The following SLC22A15 variants were observed in gnomAD, a reference collection of about 807,000 sequenced individuals.
SLC22A15 encodes solute carrier family 22 member 15.
A neutral mutation model predicts 62.7 loss-of-function variants in SLC22A15; 45 were observed. That is an observed-to-expected ratio of 0.72 (90% CI 0.56 to 0.92). The LOEUF is 0.92. SLC22A15 is among the 40% of genes least tolerant of loss of function. SLC22A15 has a pLI of 0.00. For missense variants in SLC22A15, 622 were observed against 665.6 expected (o/e 0.93, Z 0.72); for synonymous variants, 264 against 267.0 (o/e 0.99, Z 0.11).
chr1:116,042,314 A>G (rs1657810030), intron 8 of SLC22A15, among the ~76,000 whole-genome samples: 3 of 151,904 alleles, frequency 2.0e-5, no homozygotes, highest in Admixed American at 1.3e-4. Context: ...GAGAGGCCAA[A>G]AGAAAGAAAA....
intron 8 of SLC22A15, among the ~76,000 whole-genome samples, chr1:116,043,582 A>T (rs994056332): frequency 1.3e-5 from 2 of 152,172 alleles, no homozygotes; most frequent in Admixed American, 1.3e-4. Flanking sequence ...AACAAATTTT[A>T]AAAAAGAAGA....
intron 2 of SLC22A15, among the ~76,000 whole-genome samples, chr1:116,003,813 TAAG>T (rs1305222929): frequency 6.6e-6 from 1 of 152,208 alleles, no homozygotes; most frequent in African/African-American, 2.4e-5. Flanking sequence ...TTGTGGTTCT[TAAG>T]AAGGTCCTTT....
chr1:116,012,493 C>T (rs1656320729), intron 2 of SLC22A15, among the ~76,000 whole-genome samples: 1 of 152,034 alleles, frequency 6.6e-6, no homozygotes, highest in Admixed American at 6.5e-5. Flanking sequence ...CAGCACAGGG[C>T]TATTCGGTGG....
rs755348742 is a variant in SLC22A15, at chr1:116,063,003, T to A, written c.1292+121T>A. The A allele has an allele frequency of 2.6e-4, 341 of 1,304,898 alleles. 3 individuals are homozygous for A. In the Middle Eastern group the frequency reaches 5.0e-3, roughly 19 times the overall value. The allele number at this position is 1,304,898 out of a possible 1,614,324, so 80.8% of individuals were successfully genotyped here. A position where few individuals can be genotyped will look rare whatever the true frequency, so the allele number is the denominator to read the frequency against. On this transcript the variant is annotated intron_variant, in intron 9 of 11. Coordinates refer to ENST00000369503, the MANE Select transcript of SLC22A15 (RefSeq NM_018420.3). ...GGAGTTAGTTTGGGGCAGCAGTAATTCAGCAAGCAGTTTAGGGTGAGAGCT... is the reference window on the plus strand; with the variant it reads ...GGAGTTAGTTTGGGGCAGCAGTAATACAGCAAGCAGTTTAGGGTGAGAGCT...
intron 2 of SLC22A15, among the ~76,000 whole-genome samples, chr1:116,006,125 A>G (rs1261794485): frequency 6.6e-6 from 1 of 152,180 alleles, no homozygotes; most frequent in East Asian, 1.9e-4. Flanking sequence ...ATCCCACTGT[A>G]TGTATCCTAA....
chr1:116,054,332 A>T (rs551286191), intron 8 of SLC22A15, among the ~76,000 whole-genome samples: 69 of 151,992 alleles, frequency 4.5e-4, no homozygotes, highest in African/African-American at 1.5e-3. Flanking sequence ...TGGTAAAGGG[A>T]TCAATTCAAC....
chr1:115,996,638 A>G (rs1655440340), intron 2 of SLC22A15, among the ~76,000 whole-genome samples: 1 of 148,344 alleles, frequency 6.7e-6, no homozygotes, highest in Non-Finnish European at 1.5e-5. Context: ...TTCTGTTTCT[A>G]CATGTTTATT....
intron 5 of SLC22A15, among the ~76,000 whole-genome samples, chr1:116,027,511 C>T (rs1350430013): frequency 6.6e-6 from 1 of 152,168 alleles, no homozygotes; most frequent in Non-Finnish European, 1.5e-5. Context: ...GGCCTCATAG[C>T]AGTGGCAGGA....
At chr1:116,018,954 T>G (rs1480759464) in intron 2 of SLC22A15, among the ~76,000 whole-genome samples, 1 of 152,238 alleles carries the variant, frequency 6.6e-6, no homozygotes, top group African/African-American at 2.4e-5. Flanking sequence ...GCATACAACA[T>G]TTTGTTTATT....
chr1:115,994,360 A>C (rs183564216), intron 2 of SLC22A15, among the ~76,000 whole-genome samples: 4 of 152,328 alleles, frequency 2.6e-5, no homozygotes, highest in African/African-American at 9.6e-5. Flanking sequence ...TAAAAAATGG[A>C]GACCCCTTGA....
intron 1 of SLC22A15, among the ~76,000 whole-genome samples, chr1:115,980,221 C>T (rs1654546215): frequency 6.6e-6 from 1 of 152,046 alleles, no homozygotes; most frequent in Non-Finnish European, 1.5e-5. Flanking sequence ...TATTAGCAAA[C>T]ATTAAACAAT....
intron 7 of SLC22A15, 51 bp downstream of exon 7, chr1:116,035,378 C>T (rs1025184325): frequency 1.3e-6 from 2 of 1,498,152 alleles, no homozygotes; most frequent in East Asian, 4.7e-5. Flanking sequence ...TGCACACATA[C>T]ACATATGCCC....
At position 116,068,577 on chromosome 1, in the gene SLC22A15, T is replaced by A. The variant is rs1370321224; in HGVS notation, c.*1469T>A. On this transcript the variant is annotated 3_prime_UTR_variant, in exon 12 of 12. Coordinates refer to ENST00000369503, the MANE Select transcript of SLC22A15 (RefSeq NM_018420.3). ...CCTTGATTATTAGTTGGGCTCTTCA[T>A]AAACAGAGGCCATCTCTACTACTGT... 6.6e-6 allele frequency: 1 copy of A among 152,212 alleles called. No homozygotes were observed. Among genetic ancestry groups the A allele is most frequent in the African/African-American group, 2.4e-5 (1 of 41,466 alleles). 9.4% of individuals were successfully genotyped at this position (152,212 alleles called of 1,614,324 possible).
chr1:116,004,051 A>G (rs561095299), intron 2 of SLC22A15, among the ~76,000 whole-genome samples: 2 of 152,274 alleles, frequency 1.3e-5, no homozygotes, highest in Non-Finnish European at 2.9e-5. Context: ...ATTTATCATG[A>G]CTGCTTCCTT....
chr1:116,023,089 G>T (rs1044587156), intron 4 of SLC22A15, among the ~76,000 whole-genome samples: 1 of 152,152 alleles, frequency 6.6e-6, no homozygotes, highest in African/African-American at 2.4e-5. Flanking sequence ...TAGGGGATTT[G>T]CTGGAAATAG....
intron 2 of SLC22A15, among the ~76,000 whole-genome samples, chr1:116,009,020 A>T (rs1454589844): frequency 1.3e-5 from 2 of 152,248 alleles, no homozygotes; most frequent in Non-Finnish European, 2.9e-5. Flanking sequence ...GTCAAGCTCA[A>T]ATAAATGTAC....
At position 116,065,709 on chromosome 1, in the gene SLC22A15, A is replaced by C. The variant is rs78795728; in HGVS notation, c.1366-811A>C. On this transcript the variant is annotated intron_variant, in intron 10 of 11. Coordinates refer to ENST00000369503, the MANE Select transcript of SLC22A15 (RefSeq NM_018420.3). ...ATCTCTTCACTTTGAAAAATCAGGA[A>C]AAAATTGTCTGAGGGGAAATCCTAA... 6.2e-4 allele frequency among the ~76,000 whole-genome samples: 94 copies of C among 152,176 alleles called. 2 individuals are homozygous for C. The East Asian group carries it at 0.012, about 19-fold the overall frequency.
At chr1:116,010,960 G>A (rs927909447) in intron 2 of SLC22A15, among the ~76,000 whole-genome samples, 1 of 152,202 alleles carries the variant, frequency 6.6e-6, no homozygotes, top group Non-Finnish European at 1.5e-5. Context: ...TGACCTGCTT[G>A]GACAACCAGG....
At chr1:115,977,711 G>A (rs1654386342) in intron 1 of SLC22A15, among the ~76,000 whole-genome samples, 1 of 152,190 alleles carries the variant, frequency 6.6e-6, no homozygotes, top group African/African-American at 2.4e-5. Flanking sequence ...GGGGCAGGCA[G>A]ACAGTTAAGT....
Sources: gnomAD v4.1 joint callset for allele counts (sites outside exome capture counted in the v4.1 genomes callset) on GRCh38, gnomAD v4.1.1 for gene constraint, MANE v1.5 for transcripts, NCBI Gene and HGNC (gene_info 2026-07-23, HGNC 2026-07-21) for gene names.